The following AGBL1 variants were observed in gnomAD, a reference collection of about 807,000 sequenced individuals.
The protein encoded by AGBL1 is cytosolic carboxypeptidase 4.
Under a neutral mutation model 118.9 loss-of-function variants are expected in AGBL1, and 130 were observed. The observed-to-expected ratio is 1.09, with a 90% CI of 0.95 to 1.26. The LOEUF (loss-of-function observed/expected upper bound fraction) is 1.26, where lower values mean the gene tolerates loss of function less well. Ranked by LOEUF, AGBL1 falls within the 50% of genes most tolerant of loss-of-function variation. AGBL1 has a pLI of 0.00. For missense variants in AGBL1, 1,584 were observed against 1,298.1 expected, an observed-to-expected ratio of 1.22 and a Z score of -3.38; for synonymous variants, 555 against 478.9, an observed-to-expected ratio of 1.16 and a Z score of -2.08.
At chr15:86,524,762 G>C (rs534120599) in intron 19 of AGBL1, among the ~76,000 whole-genome samples, 68 of 152,210 alleles carry the variant, frequency 4.5e-4, no homozygotes, top group African/African-American at 1.5e-3. Flanking sequence ...TATTTCCTAG[G>C]AGTCATTCAA....
chr15:87,025,092 C>A (rs929113330), intron 24 of AGBL1, among the ~76,000 whole-genome samples: 2 of 152,014 alleles, frequency 1.3e-5, no homozygotes, highest in African/African-American at 4.8e-5. Flanking sequence ...GCCACTCTCA[C>A]CACTCCTCTT....
At chr15:86,311,077 G>T (rs1443341966) in intron 17 of AGBL1, among the ~76,000 whole-genome samples, 6 of 152,142 alleles carry the variant, frequency 3.9e-5, no homozygotes, top group Non-Finnish European at 7.3e-5. Context: ...GGTCTCCAAG[G>T]CTCAGTTGAA....
intron 22 of AGBL1, among the ~76,000 whole-genome samples, chr15:86,709,853 A>C: frequency 6.6e-6 from 1 of 152,190 alleles, no homozygotes; most frequent in East Asian, 1.9e-4. Context: ...TCTGGCCCAT[A>C]GTAAATGCTT....
chr15:86,840,308 G>A (rs2079227260), intron 22 of AGBL1, among the ~76,000 whole-genome samples: 1 of 152,164 alleles, frequency 6.6e-6, no homozygotes, highest in Admixed American at 6.5e-5. Flanking sequence ...CAGTGGTAGA[G>A]GTAACATTTT....
chr15:86,178,508 G>T (rs933587414), intron 5 of AGBL1, among the ~76,000 whole-genome samples: 1 of 152,134 alleles, frequency 6.6e-6, no homozygotes, highest in Non-Finnish European at 1.5e-5. Flanking sequence ...AATTTCTTGA[G>T]AGACATAACT....
In AGBL1 at chr15:86,964,778, C is replaced by T. The variant is rs994390374; in HGVS notation, c.3222-23209C>T. 2.0e-5 allele frequency among the ~76,000 whole-genome samples: 3 copies of T among 151,994 alleles called. No homozygotes were observed. In the East Asian group the frequency reaches 5.8e-4, roughly 29 times the overall value. On this transcript the variant is annotated intron_variant, in intron 23 of 24. Coordinates refer to the AGBL1 transcript ENST00000441037. Reference sequence around the variant, plus strand: ...GGTATTTCTCCTAATGCTATCCCTCCCCTACCCCCCAACCCCTGACAGGCC... The same window carrying T: ...GGTATTTCTCCTAATGCTATCCCTCTCCTACCCCCCAACCCCTGACAGGCC...
At chr15:86,944,275 A>G (rs1241696949) in intron 23 of AGBL1, among the ~76,000 whole-genome samples, 1 of 152,096 alleles carries the variant, frequency 6.6e-6, no homozygotes, top group African/African-American at 2.4e-5. Context: ...GCTACTTGGG[A>G]GGCTGAGGCA....
In AGBL1 at chr15:86,396,262, T is replaced by TAC. The variant is rs1276945780; in HGVS notation, c.2375-1095_2375-1094dup. Among the ~76,000 whole-genome samples, 149 of 137,060 alleles carry TAC rather than the reference T, an allele frequency of 1.1e-3. 1 individual carries two copies. The highest frequency in any genetic ancestry group is 3.2e-3 in the African/African-American group (124 of 38,182). The allele number at this position is 137,060 out of a possible 152,430, so 89.9% of individuals were successfully genotyped here. A position where few individuals can be genotyped will look rare whatever the true frequency, so the allele number is the denominator to read the frequency against. On this transcript the variant is annotated intron_variant, in intron 17 of 22. Coordinates refer to ENST00000614907, the MANE Select transcript of AGBL1 (RefSeq NM_001386094.1). ...GTGTGTGTATATATATATATATATATACACACACACGTCAGTAAATGAATC... is the reference window on the plus strand; with the variant it reads ...GTGTGTGTATATATATATATATATATACACACACACACGTCAGTAAATGAATC...
intron 9 of AGBL1, among the ~76,000 whole-genome samples, chr15:86,259,451 T>A (rs1318020192): frequency 6.6e-6 from 1 of 151,984 alleles, no homozygotes. Flanking sequence ...AAACTCAAAT[T>A]AAAAAAAATC....
intron 22 of AGBL1, among the ~76,000 whole-genome samples, chr15:86,884,442 A>T (rs1023898456): frequency 6.6e-6 from 1 of 152,238 alleles, no homozygotes; most frequent in East Asian, 1.9e-4. Flanking sequence ...ACCGAGGTTG[A>T]CCTCATGTAA....
chr15:86,491,304 T>C (rs749039465), intron 18 of AGBL1, among the ~76,000 whole-genome samples: 27 of 152,136 alleles, frequency 1.8e-4, no homozygotes, highest in Non-Finnish European at 3.1e-4. Context: ...AGTCCCAAAA[T>C]GTTTGGCAGT....
chr15:86,574,221 AC>A (rs1355058811), intron 21 of AGBL1, among the ~76,000 whole-genome samples: 2 of 152,110 alleles, frequency 1.3e-5, no homozygotes, highest in African/African-American at 4.8e-5. Context: ...GCTGTGCACC[AC>A]CCTACCTTCC....
intron 21 of AGBL1, among the ~76,000 whole-genome samples, chr15:86,574,560 A>G (rs1159321370): frequency 6.7e-6 from 1 of 148,538 alleles, no homozygotes; most frequent in African/African-American, 2.5e-5. Context: ...TACAATTCTT[A>G]AAAGTTTTAA....
intron 6 of AGBL1, among the ~76,000 whole-genome samples, chr15:86,237,686 A>T (rs1431911323): frequency 6.6e-6 from 1 of 152,038 alleles, no homozygotes; most frequent in Non-Finnish European, 1.5e-5. Flanking sequence ...GGATAAAAAA[A>T]CTCCTATACA....
rs535581991 is a variant in AGBL1, at chr15:86,692,422, A to G, written c.3158+17986A>G. 7.6e-4 allele frequency among the ~76,000 whole-genome samples: 116 copies of G among 152,134 alleles called. 1 individual carries two copies. The highest frequency in any genetic ancestry group is 4.6e-4 in the Admixed American group (7 of 15,276). On this transcript the variant is annotated intron_variant, in intron 22 of 22. Transcript: ENST00000614907. ...TCACCCTTAGTGAGGAAGAGGGTGGAACTGGCGAAGAATTGCCCTCACCTA... is the reference window on the plus strand; with the variant it reads ...TCACCCTTAGTGAGGAAGAGGGTGGGACTGGCGAAGAATTGCCCTCACCTA...
chr15:86,582,908 G>A (rs1247356642), intron 21 of AGBL1, among the ~76,000 whole-genome samples: 1 of 151,740 alleles, frequency 6.6e-6, no homozygotes, highest in African/African-American at 2.4e-5. Flanking sequence ...TATACCTAAT[G>A]CTAAATGACG....
Position 86,722,906 on chromosome 15 carries a change from C to T in AGBL1, c.3158+48470C>T, listed in dbSNP as rs1401771914. 5.3e-5 allele frequency among the ~76,000 whole-genome samples: 8 copies of T among 152,294 alleles called. No individual in the cohort carries two copies. The South Asian group carries it at 6.2e-4, about 12-fold the overall frequency. ...CAGCCAAAAGACACATGAAAAAATG[C>T]TCATCATCACTGGCCATCAGAGAAA... On this transcript the variant is annotated intron_variant, in intron 22 of 22. Transcript: ENST00000614907.
intron 24 of AGBL1, among the ~76,000 whole-genome samples, chr15:87,002,790 G>T (rs1470634977): frequency 2.0e-5 from 3 of 152,080 alleles, no homozygotes; most frequent in Non-Finnish European, 4.4e-5. Flanking sequence ...GTCTGTTATT[G>T]GTGTATAAGA....
At chr15:86,426,777 T>C (rs77009429) in intron 18 of AGBL1, among the ~76,000 whole-genome samples, 3,115 of 152,350 alleles carry the variant, frequency 0.02, 43 homozygotes, top group Middle Eastern at 0.065. Flanking sequence ...ATTTTATTTA[T>C]TTATTAAGAG....
Sources: allele counts gnomAD v4.1 joint callset (sites outside exome capture counted in the v4.1 genomes callset), GRCh38; gene constraint gnomAD v4.1.1; transcripts MANE v1.5; gene names NCBI Gene and HGNC (gene_info 2026-07-23, HGNC 2026-07-21).